CSMD1: variants seen among roughly 807,000 people sequenced by gnomAD.
CSMD1 encodes the protein CUB and Sushi multiple domains 1, also known as CUB and sushi domain-containing protein 1.
In CSMD1, 213 loss-of-function variants were observed where a neutral mutation model predicts 417.5. The ratio of observed to expected loss-of-function variants is 0.51; its 90% confidence interval spans 0.46 to 0.57. CSMD1 has a LOEUF of 0.57. Among genes scored for constraint, CSMD1 ranks in the 20% least tolerant of loss-of-function variants. The pLI is 0.00. For synonymous variants in CSMD1, 2,862 were observed against 1,736.8 expected, an observed-to-expected ratio of 1.65 and a Z score of -16.11; for missense variants, 6,923 against 4,529.7, an observed-to-expected ratio of 1.53 and a Z score of -15.17.
intron 2 of CSMD1, among the ~76,000 whole-genome samples, chr8:4,471,756 T>C (rs1210434162): frequency 6.6e-6 from 1 of 152,142 alleles, no homozygotes; most frequent in African/African-American, 2.4e-5. Context: ...TAGACCCATT[T>C]CTTTAGCGTC....
At chr8:3,589,379 G>GCTGTGT (rs1554479722) in intron 8 of CSMD1, among the ~76,000 whole-genome samples, 13 of 149,946 alleles carry the variant, frequency 8.7e-5, no homozygotes, top group African/African-American at 2.7e-4. Flanking sequence ...AAGAAAATGT[G>GCTGTGT]GTGTGTGTGT....
In CSMD1 at chr8:4,627,706, C is replaced by T. The variant is rs557776526; in HGVS notation, c.302+9636G>A. Among the ~76,000 whole-genome samples, 7 of 152,170 alleles carry T rather than the reference C, an allele frequency of 4.6e-5. No homozygotes were observed. In the East Asian group the frequency reaches 5.8e-4, roughly 13 times the overall value. ...CCCAGCCTCTGCTGGCTGCCTCTGC[C>T]CCGCCAAAAAAATAACAGTTGCTCC... is the stretch of plus-strand genomic sequence containing the variant. On this transcript the variant is annotated intron_variant, in intron 2 of 69. Coordinates refer to ENST00000635120, the MANE Select transcript of CSMD1 (RefSeq NM_033225.6).
At chr8:3,439,154 C>CAAAAAGAA (rs1563390150) in intron 12 of CSMD1, among the ~76,000 whole-genome samples, 1 of 26,620 alleles carries the variant, frequency 3.8e-5, no homozygotes, top group African/African-American at 1.8e-4. Context: ...AAAAAAAAAC[C>CAAAAAGAA]AAGAAAAAAA....
At chr8:2,977,699 C>T (rs1182088755) in intron 55 of CSMD1, among the ~76,000 whole-genome samples, 1 of 152,080 alleles carries the variant, frequency 6.6e-6, no homozygotes, top group African/African-American at 2.4e-5. Context: ...GGTCTAATAT[C>T]CAGAATCTAC....
chr8:4,212,161 G>A (rs908322588), intron 3 of CSMD1, among the ~76,000 whole-genome samples: 2 of 148,108 alleles, frequency 1.4e-5, no homozygotes, highest in Admixed American at 6.7e-5. Flanking sequence ...AAAAGACTCT[G>A]TCACTTCCCT....
Position 3,890,454 on chromosome 8 carries a change from G to A in CSMD1, c.818+107449C>T, listed in dbSNP as rs563821622. Among the ~76,000 whole-genome samples, 3 of 152,068 alleles carry A rather than the reference G, an allele frequency of 2.0e-5. No homozygotes were observed. In the South Asian group the frequency reaches 6.2e-4, roughly 32 times the overall value. ...TCGCAGTGTCTTGGAGGAGACTGAG[G>A]ATTCCAGCTGAGTGAGGGAAGTTTT... is the stretch of plus-strand genomic sequence containing the variant. On this transcript the variant is annotated intron_variant, in intron 5 of 69. Coordinates refer to ENST00000635120, the MANE Select transcript of CSMD1 (RefSeq NM_033225.6).
chr8:4,154,994 G>C (rs1036340101), intron 3 of CSMD1, among the ~76,000 whole-genome samples: 6 of 152,108 alleles, frequency 3.9e-5, no homozygotes, highest in African/African-American at 1.2e-4. Flanking sequence ...CCAGAAACAC[G>C]ACTGCAAGTT....
intron 3 of CSMD1, among the ~76,000 whole-genome samples, chr8:4,182,749 T>A (rs1469970604): frequency 6.6e-6 from 1 of 152,138 alleles, no homozygotes; most frequent in Non-Finnish European, 1.5e-5. Flanking sequence ...AACATCATTT[T>A]TTTTTCTCAC....
chr8:3,202,517 G>C (rs1457913238), intron 31 of CSMD1, among the ~76,000 whole-genome samples: 1 of 152,178 alleles, frequency 6.6e-6, no homozygotes, highest in Non-Finnish European at 1.5e-5. Flanking sequence ...TGTGTATTCA[G>C]ATTGACGATA....
intron 5 of CSMD1, among the ~76,000 whole-genome samples, chr8:3,859,645 CTGAAGAG>C (rs1804556529): frequency 1.3e-5 from 2 of 152,120 alleles, no homozygotes. Flanking sequence ...GTCAGTTGAC[CTGAAGAG>C]TGAGTTCAAC....
intron 54 of CSMD1, among the ~76,000 whole-genome samples, chr8:2,994,414 G>A (rs1488800261): frequency 6.6e-6 from 1 of 152,162 alleles, no homozygotes; most frequent in Admixed American, 6.5e-5. Context: ...TGTTGCTGCT[G>A]TGGTGAGGAC....
intron 1 of CSMD1, among the ~76,000 whole-genome samples, chr8:4,737,224 C>A (rs962309299): frequency 6.6e-6 from 1 of 152,100 alleles, no homozygotes; most frequent in Non-Finnish European, 1.5e-5. Flanking sequence ...CTTTAGCAAA[C>A]TAACACGGGA....
At chr8:3,465,653 C>A (rs561122535) in intron 12 of CSMD1, among the ~76,000 whole-genome samples, 1 of 152,160 alleles carries the variant, frequency 6.6e-6, no homozygotes, top group African/African-American at 2.4e-5. Context: ...ACTACTCAGG[C>A]TATTCCTGAT....
At chr8:4,261,449 T>G (rs749171323) in intron 3 of CSMD1, among the ~76,000 whole-genome samples, 1 of 152,198 alleles carries the variant, frequency 6.6e-6, no homozygotes, top group Non-Finnish European at 1.5e-5. Flanking sequence ...TTTACAAACT[T>G]CCAGTTCGAA....
intron 2 of CSMD1, among the ~76,000 whole-genome samples, chr8:4,514,602 T>A (rs1175661790): frequency 6.6e-6 from 1 of 152,220 alleles, no homozygotes; most frequent in Non-Finnish European, 1.5e-5. Flanking sequence ...TCTACATTCC[T>A]GTATCTTGGT....
chr8:3,118,235 C>T (rs563472582), intron 42 of CSMD1, among the ~76,000 whole-genome samples, 164 bp downstream of exon 42: 18 of 152,056 alleles, frequency 1.2e-4, no homozygotes, highest in Non-Finnish European at 2.5e-4. Context: ...TAACAGCATG[C>T]GACATATTCC....
At chr8:3,286,585 G>C (rs975126294) in intron 25 of CSMD1, among the ~76,000 whole-genome samples, 4 of 151,996 alleles carry the variant, frequency 2.6e-5, no homozygotes, top group African/African-American at 9.7e-5. Flanking sequence ...CGGTGATAAT[G>C]AGCATTTTTT....
At chr8:3,968,470 T>A (rs182327875) in intron 5 of CSMD1, among the ~76,000 whole-genome samples, 13 of 152,290 alleles carry the variant, frequency 8.5e-5, no homozygotes, top group African/African-American at 3.1e-4. Flanking sequence ...TTAAGAATCT[T>A]TTTAGTTAAG....
chr8:3,807,789 T>C (rs1039227956), intron 5 of CSMD1, among the ~76,000 whole-genome samples: 13 of 152,204 alleles, frequency 8.5e-5, no homozygotes, highest in Admixed American at 4.6e-4. Flanking sequence ...ATCTAGATTG[T>C]CATTCAGGCA....
Sources: gnomAD v4.1 joint callset for allele counts (sites outside exome capture counted in the v4.1 genomes callset) on GRCh38, gnomAD v4.1.1 for gene constraint, MANE v1.5 for transcripts, NCBI Gene and HGNC (gene_info 2026-07-23, HGNC 2026-07-21) for gene names.